The following IRF2 variants were observed in gnomAD, a reference collection of about 807,000 sequenced individuals.
IRF2 encodes interferon regulatory factor 2.
A neutral mutation model predicts 40.6 loss-of-function variants in IRF2; 15 were observed. The observed-to-expected ratio is 0.37, with a 90% CI of 0.25 to 0.57. The LOEUF (loss-of-function observed/expected upper bound fraction) is 0.57, where lower values mean the gene tolerates loss of function less well. Ranked by LOEUF, IRF2 falls within the 20% of genes least tolerant of loss-of-function variation. IRF2 has a pLI of 0.77. For synonymous variants in IRF2, 151 were observed against 165.5 expected, an observed-to-expected ratio of 0.91 and a Z score of 0.67; for missense variants, 317 against 455.7, an observed-to-expected ratio of 0.70 and a Z score of 2.77.
intron 7 of IRF2, among the ~76,000 whole-genome samples, chr4:184,395,870 A>G (rs1736436175): frequency 6.6e-6 from 1 of 152,190 alleles, no homozygotes. Context: ...TGAAATGTTC[A>G]TTTCTCTCTG....
At chr4:184,405,054 C>A (rs1736802109) in intron 6 of IRF2, among the ~76,000 whole-genome samples, 1 of 152,130 alleles carries the variant, frequency 6.6e-6, no homozygotes, top group African/African-American at 2.4e-5. Context: ...ACCAGCCTGA[C>A]CAACATGGTG....
At chr4:184,407,335 G>C (rs1404120834) in intron 6 of IRF2, 1 of 1,036,846 alleles carries the variant, frequency 9.6e-7, no homozygotes, top group Non-Finnish European at 1.3e-6. Flanking sequence ...TCCCCTTAAA[G>C]GGAAAGCAGG....
intron 3 of IRF2, 138 bp from the exon 4 acceptor site, chr4:184,418,846 G>A (rs990102031): frequency 2.6e-5 from 18 of 703,830 alleles, no homozygotes; most frequent in Non-Finnish European, 3.7e-5. Context: ...GTGACCAATC[G>A]TCCTGGTGTA....
chr4:184,460,489 CCA>C (rs1215766488), intron 1 of IRF2, among the ~76,000 whole-genome samples: 3 of 152,106 alleles, frequency 2.0e-5, no homozygotes, highest in South Asian at 4.1e-4. Context: ...GTAAATTTTA[CCA>C]CAGTTTTAAA....
intron 1 of IRF2, among the ~76,000 whole-genome samples, chr4:184,445,404 A>G (rs1163457165): frequency 6.6e-6 from 1 of 152,210 alleles, no homozygotes; most frequent in African/African-American, 2.4e-5. Flanking sequence ...CTGTAATCCC[A>G]GCACTTTGGG....
Position 184,408,399 on chromosome 4 carries a change from C to T in IRF2, c.412-124G>A. 1 of 693,184 alleles carries T rather than the reference C, an allele frequency of 1.4e-6. No individual in the cohort carries two copies. Among genetic ancestry groups the T allele is most frequent in the Non-Finnish European group, 2.6e-6 (1 of 388,996 alleles). The allele number at this position is 693,184 out of a possible 1,614,324, so 42.9% of individuals were successfully genotyped here. ...GTCATTCATGTTCAGCTGCCGAATACATTCATCCCCTGCTTCTTTAAACTG... is the reference window on the plus strand; with the variant it reads ...GTCATTCATGTTCAGCTGCCGAATATATTCATCCCCTGCTTCTTTAAACTG... On this transcript the variant is annotated intron_variant, in intron 5 of 8. Coordinates refer to ENST00000393593, the MANE Select transcript of IRF2 (RefSeq NM_002199.4). The surrounding 1 kb of genome is among the most constrained non-coding windows in gnomAD (Gnocchi z 4.9).
chr4:184,420,508 C>T (rs1331069814), intron 2 of IRF2, among the ~76,000 whole-genome samples: 3 of 152,312 alleles, frequency 2.0e-5, no homozygotes, highest in East Asian at 1.9e-4. Context: ...TCTGGAGAAA[C>T]ATCCCTCAAT....
chr4:184,411,594 G>A (rs973025556), intron 5 of IRF2, among the ~76,000 whole-genome samples: 7 of 151,400 alleles, frequency 4.6e-5, no homozygotes, highest in African/African-American at 1.7e-4. Context: ...AGCACCTCCC[G>A]AAACACCTCC....
chr4:184,425,428 C>A (rs1031683865), intron 2 of IRF2, among the ~76,000 whole-genome samples: 2 of 152,270 alleles, frequency 1.3e-5, no homozygotes, highest in African/African-American at 4.8e-5. Flanking sequence ...CCCATGTGCA[C>A]GAGCAATGCC....
chr4:184,408,551 T>G lies in IRF2; in HGVS notation c.412-276A>C, dbSNP rs553038500. ...AGGAAATGCTTCCACCTGCAGACAATAGCTTTGGGGCTACGCAGAGCTGCA... is the reference window on the plus strand; with the variant it reads ...AGGAAATGCTTCCACCTGCAGACAAGAGCTTTGGGGCTACGCAGAGCTGCA... On this transcript the variant is annotated intron_variant, in intron 5 of 8. Coordinates refer to ENST00000393593, the MANE Select transcript of IRF2 (RefSeq NM_002199.4). This position sits in a 1 kb window ranked among gnomAD's most constrained non-coding sequence, Gnocchi z 4.9. Among the ~76,000 whole-genome samples the G allele has an allele frequency of 6.6e-6, 1 of 152,186 alleles. No individual in the cohort carries two copies. The highest frequency in any genetic ancestry group is 2.4e-5 in the African/African-American group (1 of 41,452).
At chr4:184,429,523 G>GT (rs1287665406) in intron 1 of IRF2, among the ~76,000 whole-genome samples, 4 of 152,290 alleles carry the variant, frequency 2.6e-5, no homozygotes, top group African/African-American at 9.6e-5. Flanking sequence ...GAGAATCTGG[G>GT]TTATACAAAC....
At position 184,413,063 on chromosome 4, in the gene IRF2, G is replaced by A. The variant is rs919137348; in HGVS notation, c.412-4788C>T. ...ACACTCGCTTCTGAAGGTGCAAAACGCCGGGGCCTCCTCTTTAGGCCGCTC... is the reference window on the plus strand; with the variant it reads ...ACACTCGCTTCTGAAGGTGCAAAACACCGGGGCCTCCTCTTTAGGCCGCTC... On this transcript the variant is annotated intron_variant, in intron 5 of 8. Transcript: ENST00000393593. The surrounding 1 kb of genome is among the most constrained non-coding windows in gnomAD (Gnocchi z 4.2). Among the ~76,000 whole-genome samples the A allele has an allele frequency of 6.6e-6, 1 of 152,134 alleles. No homozygotes were observed. Among genetic ancestry groups the A allele is most frequent in the Admixed American group, 6.5e-5 (1 of 15,270 alleles).
intron 6 of IRF2, among the ~76,000 whole-genome samples, chr4:184,407,775 T>C (rs991642383): frequency 6.6e-6 from 1 of 152,228 alleles, no homozygotes; most frequent in African/African-American, 2.4e-5. Context: ...TTTCTCTGTC[T>C]GCCAGGAAGC....
rs552755803 is a variant in IRF2 at position 184,397,093 on chromosome 4, C to T, written c.694+1822G>A. ...GACTGGCACGTGTAAGAGTCCAAAA[C>T]GCATTTGCTGAATAAAGCACCGAAG... is the stretch of plus-strand genomic sequence containing the variant. On this transcript the variant is annotated intron_variant, in intron 7 of 8. Transcript: ENST00000393593. 3.9e-5 allele frequency among the ~76,000 whole-genome samples: 6 copies of T among 152,342 alleles called. No homozygotes were observed. The South Asian group carries it at 6.2e-4, about 16-fold the overall frequency.
chr4:184,471,840 T>C (rs1021826007), intron 1 of IRF2: 2 of 152,244 alleles, frequency 1.3e-5, no homozygotes, highest in African/African-American at 4.8e-5. Flanking sequence ...CTACAGATCC[T>C]TACTTTTGAT....
At position 184,419,717 on chromosome 4, in the gene IRF2, C is replaced by G. The variant is rs1026104391; in HGVS notation, c.88-149G>C. 4 of 613,394 alleles carry G rather than the reference C, an allele frequency of 6.5e-6. No homozygotes were observed. In the African/African-American group the frequency reaches 7.4e-5, roughly 11 times the overall value. The allele number at this position is 613,394 out of a possible 1,614,324, so 38.0% of individuals were successfully genotyped here. On this transcript the variant is annotated intron_variant, in intron 2 of 8. Coordinates refer to ENST00000393593, the MANE Select transcript of IRF2 (RefSeq NM_002199.4). ...GCTGACAAGAAAATCTACTGTAAAC[C>G]AAACCCACTTCCCCCGCTGGATCCC...
intron 1 of IRF2, among the ~76,000 whole-genome samples, chr4:184,434,395 A>C (rs1202265235): frequency 2.6e-5 from 4 of 152,150 alleles, no homozygotes; most frequent in African/African-American, 9.7e-5. Context: ...GATACGATGA[A>C]TCATAATCTG....
chr4:184,401,439 C>T (rs769629241), intron 6 of IRF2, among the ~76,000 whole-genome samples: 9 of 152,242 alleles, frequency 5.9e-5, no homozygotes, highest in South Asian at 2.1e-4. Flanking sequence ...GAAGGGAAAC[C>T]GGATCCTGTT....
rs1738595996 is a variant in IRF2 at position 184,448,470 on chromosome 4, A to G, written c.-6-19400T>C. On this transcript the variant is annotated intron_variant, in intron 1 of 8. Coordinates refer to ENST00000393593, the MANE Select transcript of IRF2 (RefSeq NM_002199.4). The surrounding 1 kb of genome is among the most constrained non-coding windows in gnomAD (Gnocchi z 4.3). ...CATTTAAATTGTTCAGTTGTGTAGA[A>G]GAGGAGAAATAAGACGGCCAAAGAG... Among the ~76,000 whole-genome samples the G allele has an allele frequency of 6.6e-6, 1 of 152,188 alleles. No individual in the cohort carries two copies. Among genetic ancestry groups the G allele is most frequent in the Non-Finnish European group, 1.5e-5 (1 of 68,024 alleles).
Sources: allele counts gnomAD v4.1 joint callset (sites outside exome capture counted in the v4.1 genomes callset), GRCh38; gene constraint gnomAD v4.1.1; non-coding constraint Gnocchi (gnomAD v3.1); transcripts MANE v1.5; gene names NCBI Gene and HGNC (gene_info 2026-07-23, HGNC 2026-07-21).